TGFBR3: variants seen among roughly 807,000 people sequenced by gnomAD.
The protein encoded by TGFBR3 is transforming growth factor beta receptor type 3.
TGFBR3 carries 46 observed loss-of-function variants against 87.9 expected under a neutral mutation model. The observed-to-expected ratio is 0.52, with a 90% CI of 0.41 to 0.67. The LOEUF (loss-of-function observed/expected upper bound fraction) is 0.67. Among genes scored for constraint, TGFBR3 ranks in the 30% least tolerant of loss-of-function variants. The pLI, the probability that TGFBR3 is intolerant of heterozygous loss-of-function variation, is 0.00. For missense variants in TGFBR3, 866 were observed against 1,041.9 expected (o/e 0.83, Z 2.32); for synonymous variants, 381 against 391.6 (o/e 0.97, Z 0.32).
intron 3 of TGFBR3, among the ~76,000 whole-genome samples, chr1:91,773,630 C>T (rs1012017661): frequency 6.6e-6 from 1 of 152,092 alleles, no homozygotes; most frequent in Non-Finnish European, 1.5e-5. Flanking sequence ...TGCGGTGAGC[C>T]GAGATCGCGC....
At chr1:91,860,205 C>A (rs1678126973) in intron 2 of TGFBR3, among the ~76,000 whole-genome samples, 1 of 152,210 alleles carries the variant, frequency 6.6e-6, no homozygotes, top group Non-Finnish European at 1.5e-5. Context: ...CAAATTAATT[C>A]TACCTCCAAG....
chr1:91,794,889 A>G (rs1199910927), intron 3 of TGFBR3, among the ~76,000 whole-genome samples: 6 of 152,260 alleles, frequency 3.9e-5, no homozygotes, highest in Non-Finnish European at 8.8e-5. Flanking sequence ...TCTCTCGGGT[A>G]TATACCTAAG....
rs1034384633 is a variant in TGFBR3, at chr1:91,683,793, G to C, written c.2502C>G (p.Ala834=). ...SPPASENSSA[A]HSIGSTQSTP... is the part of the protein sequence containing the mutation. ...TGCTCTGCGTGCTGCCGATGCTGTG[G>C]GCAGCACTGCTGTTTTCCGAGGCTG... is the stretch of plus-strand genomic sequence containing the variant. The change falls in exon 17 of 17, where the codon GCC becomes GCG. Residue 834 remains alanine (A), a synonymous_variant. Transcript: ENST00000212355. 4 of 1,607,842 alleles carry C rather than the reference G, an allele frequency of 2.5e-6. No individual in the cohort carries two copies. The highest frequency in any genetic ancestry group is 3.4e-6 in the Non-Finnish European group (4 of 1,178,008).
chr1:91,890,100 G>A (rs1034036707), upstream of TGFBR3, among the ~76,000 whole-genome samples: 10 of 152,148 alleles, frequency 6.6e-5, no homozygotes, highest in African/African-American at 2.4e-4. Context: ...GGTCCAAAGT[G>A]GTTTCTTGGT....
At chr1:91,754,794 G>C (rs1205507781) in intron 4 of TGFBR3, among the ~76,000 whole-genome samples, 1 of 151,942 alleles carries the variant, frequency 6.6e-6, no homozygotes, top group Non-Finnish European at 1.5e-5. Context: ...TTTTAATTTG[G>C]GCAGTCATAA....
At chr1:91,850,080 CAAAAAAAAAAAA>C (rs376631972) in intron 2 of TGFBR3, among the ~76,000 whole-genome samples, 576 of 52,182 alleles carry the variant, frequency 0.011, 4 homozygotes, top group African/African-American at 0.035. Flanking sequence ...GACTCCATCT[CAAAAAAAAAAAA>C]AAAAAAAAAA....
In TGFBR3 at chr1:91,881,211, T is replaced by C. The variant is rs186445195; in HGVS notation, c.-114+4667A>G. 3.0e-3 allele frequency among the ~76,000 whole-genome samples: 450 copies of C among 152,254 alleles called. 3 individuals are homozygous for C. Among genetic ancestry groups the C allele is most frequent in the Non-Finnish European group, 3.1e-3 (213 of 68,024 alleles). ...AAGCCAGGAAATTGGTCTTCACTTA[T>C]ATACTAAAGAAGTCAGCAGTGATCA... On this transcript the variant is annotated intron_variant, in intron 1 of 16. Coordinates refer to ENST00000212355, the MANE Select transcript of TGFBR3 (RefSeq NM_003243.5).
At chr1:91,893,939 AC>A (rs2101336645) in intron 2 of TGFBR3, among the ~76,000 whole-genome samples, 2 of 150,974 alleles carry the variant, frequency 1.3e-5, no homozygotes, top group African/African-American at 4.9e-5. Context: ...AAAAAAAAAA[AC>A]TTCCTTTGGC....
intron 4 of TGFBR3, among the ~76,000 whole-genome samples, chr1:91,742,176 C>T (rs934505662): frequency 6.6e-6 from 1 of 152,186 alleles, no homozygotes; most frequent in Non-Finnish European, 1.5e-5. Flanking sequence ...CCCTACTCTC[C>T]TCACAATGAG....
Position 91,758,870 on chromosome 1 carries a change from A to G in TGFBR3, c.247-120T>C, listed in dbSNP as rs918972736. The G allele has an allele frequency of 5.6e-5, 69 of 1,229,700 alleles. 1 individual carries two copies. The East Asian group carries it at 1.6e-3, about 28-fold the overall frequency. The allele number at this position is 1,229,700 out of a possible 1,614,324, so 76.2% of individuals were successfully genotyped here. ...TATCAACAGAAACAAGCTATAATGT[A>G]GCTCAGATTCTATGAATAAGATACA... On this transcript the variant is annotated intron_variant, in intron 3 of 16. Transcript: ENST00000212355.
upstream of TGFBR3, among the ~76,000 whole-genome samples, chr1:91,886,899 G>C (rs1169339727): frequency 6.6e-6 from 1 of 152,102 alleles, no homozygotes; most frequent in Non-Finnish European, 1.5e-5. Context: ...GCGGGGCAAC[G>C]TCCTAAGTAC....
chr1:91,695,561 A>T lies in TGFBR3; in HGVS notation c.2437+111T>A, dbSNP rs552355557. The T allele has an allele frequency of 2.8e-4, 252 of 912,462 alleles. 1 individual carries two copies. Among genetic ancestry groups the T allele is most frequent in the African/African-American group, 3.1e-4 (19 of 61,358 alleles). 56.5% of individuals were successfully genotyped at this position (912,462 alleles called of 1,614,324 possible). A position where few individuals can be genotyped will look rare whatever the true frequency, so the allele number is the denominator to read the frequency against. ...CCAAATATGTAAATGTAAAAATAGT[A>T]GGAATGAACTTTCTCTTTCATTCGT... On this transcript the variant is annotated intron_variant, in intron 16 of 16. Transcript: ENST00000212355.
At chr1:91,815,777 C>T (rs1676200415) in intron 2 of TGFBR3, among the ~76,000 whole-genome samples, 1 of 152,194 alleles carries the variant, frequency 6.6e-6, no homozygotes, top group Non-Finnish European at 1.5e-5. Flanking sequence ...AATCAATCTG[C>T]TGAACAAAAA....
At chr1:91,869,056 A>G (rs1311052888) in intron 1 of TGFBR3, among the ~76,000 whole-genome samples, 3 of 152,172 alleles carry the variant, frequency 2.0e-5, no homozygotes, top group Non-Finnish European at 4.4e-5. Context: ...GATGTTCACT[A>G]TATCGGAACT....
chr1:91,896,039 C>T (rs957162928), intron 2 of TGFBR3, among the ~76,000 whole-genome samples: 1 of 152,154 alleles, frequency 6.6e-6, no homozygotes, highest in Admixed American at 6.5e-5. Context: ...GTTCTGGTTT[C>T]CTTGCTTCCT....
In TGFBR3 at chr1:91,734,800, T is replaced by C; in HGVS notation, c.544A>G (p.Asn182Asp). The C allele has an allele frequency of 1.2e-6, 2 of 1,614,244 alleles. No homozygotes were observed. The highest frequency in any genetic ancestry group is 1.7e-6 in the Non-Finnish European group (2 of 1,180,018). The change falls in exon 5 of 17, where the codon AAC becomes GAC. Residue 182 changes from asparagine to aspartate, a missense_variant. By Grantham distance (23) the Asn-to-Asp change is conservative (BLOSUM62 1). Transcript: ENST00000212355. ...CCTTCCCCCACTTTAATATAAATGTTTCTTGCTATCTTGAGTTCGGTGAAT... is the reference window on the plus strand; with the variant it reads ...CCTTCCCCCACTTTAATATAAATGTCTCTTGCTATCTTGAGTTCGGTGAAT... ...TSFTELKIAR[N>D]IYIKVGEDQV... is the part of the protein sequence containing the mutation.
chr1:91,828,937 G>A lies in TGFBR3; in HGVS notation c.62-31466C>T, dbSNP rs147327291. Among the ~76,000 whole-genome samples, 523 of 152,230 alleles carry A rather than the reference G, an allele frequency of 3.4e-3. 6 individuals are homozygous for A. The highest frequency in any genetic ancestry group is 0.012 in the African/African-American group (489 of 41,528). On this transcript the variant is annotated intron_variant, in intron 2 of 16. Coordinates refer to ENST00000212355, the MANE Select transcript of TGFBR3 (RefSeq NM_003243.5). ...CTTTAAGGCTAAAGCTGACTTATAC[G>A]TACGTGAAGGAGTCCCTCTTTTTCT... is the stretch of plus-strand genomic sequence containing the variant.
In TGFBR3 at chr1:91,719,108, T is replaced by C. The variant is rs1001205045; in HGVS notation, c.1566+204A>G. 4.6e-5 allele frequency among the ~76,000 whole-genome samples: 7 copies of C among 152,146 alleles called. No homozygotes were observed. In the East Asian group the frequency reaches 1.3e-3, roughly 29 times the overall value. Reference sequence around the variant, plus strand: ...GGGGGTGAGAAAACAGGCCTTCCAATTCCCAAAGACTCACCAATAAAACAA... The same window carrying C: ...GGGGGTGAGAAAACAGGCCTTCCAACTCCCAAAGACTCACCAATAAAACAA... On this transcript the variant is annotated intron_variant, in intron 10 of 16. Coordinates refer to ENST00000212355, the MANE Select transcript of TGFBR3 (RefSeq NM_003243.5).
At chr1:91,900,134 A>C (rs17885425) in intron 1 of TGFBR3, among the ~76,000 whole-genome samples, 26 of 152,224 alleles carry the variant, frequency 1.7e-4, no homozygotes, top group African/African-American at 6.3e-4. Flanking sequence ...TTTTATTTTG[A>C]GATGGAGTCT....
Sources: allele counts gnomAD v4.1 joint callset (sites outside exome capture counted in the v4.1 genomes callset), GRCh38; gene constraint gnomAD v4.1.1; transcripts MANE v1.5; gene names NCBI Gene and HGNC (gene_info 2026-07-23, HGNC 2026-07-21).